Variants in IFNAR1 observed in about 807,000 individuals in gnomAD.
The protein encoded by IFNAR1 is interferon alpha/beta receptor 1.
Under a neutral mutation model 62.1 loss-of-function variants are expected in IFNAR1, and 47 were observed. The observed-to-expected ratio is 0.76, with a 90% CI of 0.60 to 0.97. The LOEUF (loss-of-function observed/expected upper bound fraction) is 0.97, where lower values mean the gene tolerates loss of function less well. Among genes scored for constraint, IFNAR1 ranks in the 50% least tolerant of loss-of-function variants. The pLI is 0.00. For synonymous variants in IFNAR1, 219 were observed against 226.9 expected, an observed-to-expected ratio of 0.97 and a Z score of 0.31; for missense variants, 638 against 654.5, an observed-to-expected ratio of 0.97 and a Z score of 0.27.
At position 33,355,563 on chromosome 21, in the gene IFNAR1, G is replaced by A; in HGVS notation, c.*14G>A. On this transcript the variant is annotated 3_prime_UTR_variant, in exon 11 of 11. Coordinates refer to ENST00000270139, the MANE Select transcript of IFNAR1 (RefSeq NM_000629.3). The stretch of plus-strand genomic sequence containing the variant: ...GACTTTGTATGACCAGAAATGAACT[G>A]TGTCAAGTATAAGGTTTTTCAGCAG... 7.0e-7 allele frequency: 1 copy of A among 1,435,656 alleles called. No individual in the cohort carries two copies. The allele number at this position is 1,435,656 out of a possible 1,614,324, so 88.9% of individuals were successfully genotyped here. A position where few individuals can be genotyped will look rare whatever the true frequency, so the allele number is the denominator to read the frequency against.
At chr21:33,335,970 T>C (rs1171682103) in intron 2 of IFNAR1, among the ~76,000 whole-genome samples, 1 of 148,600 alleles carries the variant, frequency 6.7e-6, no homozygotes, top group East Asian at 2.0e-4. Context: ...ATGTGCACAA[T>C]GTGCAGGTTA....
At chr21:33,352,274 C>G (rs1568933184) in intron 8 of IFNAR1, among the ~76,000 whole-genome samples, 2 of 152,200 alleles carry the variant, frequency 1.3e-5, no homozygotes, top group East Asian at 1.9e-4. Flanking sequence ...TTGGCAGCAG[C>G]ATTTTTAACT....
chr21:33,347,131 C>CT (rs5843597), intron 6 of IFNAR1, among the ~76,000 whole-genome samples: 72 of 132,270 alleles, frequency 5.4e-4, no homozygotes, highest in Non-Finnish European at 7.3e-4. Flanking sequence ...CCTCTAGATC[C>CT]TTTTTTTTTT....
At chr21:33,348,975 A>C (rs2083374450) in intron 6 of IFNAR1, 116 bp from the exon 7 acceptor site, 1 of 635,514 alleles carries the variant, frequency 1.6e-6, no homozygotes, top group Non-Finnish European at 2.7e-6. Context: ...ATTGTTTGTG[A>C]GTTTCCTGAG....
intron 3 of IFNAR1, among the ~76,000 whole-genome samples, chr21:33,341,775 G>A (rs1237887394): frequency 6.6e-6 from 1 of 151,924 alleles, no homozygotes; most frequent in African/African-American, 2.4e-5. Flanking sequence ...TCTGCCTCCT[G>A]GGTTCAAGTG....
At chr21:33,325,192 C>CG (rs2083114603) in intron 1 of IFNAR1, 61 bp downstream of exon 1, 2 of 1,427,452 alleles carry the variant, frequency 1.4e-6, no homozygotes, top group Non-Finnish European at 1.9e-6. Context: ...AGCTGGGCTA[C>CG]GGGGGCGGCG....
Position 33,353,731 on chromosome 21 carries a change from G to T in IFNAR1, c.1388G>T (p.Cys463Phe), listed in dbSNP as rs1197148653. 2 of 1,589,014 alleles carry T rather than the reference G, an allele frequency of 1.3e-6. No homozygotes were observed. Among genetic ancestry groups the T allele is most frequent in the African/African-American group, 2.7e-5 (2 of 73,592 alleles). The part of the protein sequence containing the change: ...VIYAAKVFLR[C>F]INYVFFPSLK... ...TATGCTGCGAAAGTCTTCTTGAGATGCATCAATTATGTCTTCTTTCCATCA... is the reference window on the plus strand; with the variant it reads ...TATGCTGCGAAAGTCTTCTTGAGATTCATCAATTATGTCTTCTTTCCATCA... The change falls in exon 10 of 11, where the codon TGC (cysteine) becomes TTC (phenylalanine). Residue 463 changes from cysteine (C) to phenylalanine (F), a missense_variant. Cys to Phe is a radical substitution (Grantham distance 205). Coordinates refer to ENST00000270139, the MANE Select transcript of IFNAR1 (RefSeq NM_000629.3).
At position 33,333,614 on chromosome 21, in the gene IFNAR1, ATTTTTTTTTTTCTT is replaced by A. The variant is rs905835554; in HGVS notation, c.77-1898_77-1885del. On this transcript the variant is annotated intron_variant, in intron 1 of 10. Coordinates refer to ENST00000270139, the MANE Select transcript of IFNAR1 (RefSeq NM_000629.3). Reference sequence around the variant, plus strand: ...CCATACTTAAAGAGACTGGCGGAATATTTTTTTTTTTCTTTTTTTTTTTTTTTGAGACGGAGTCT... The same window carrying A: ...CCATACTTAAAGAGACTGGCGGAATATTTTTTTTTTTTTGAGACGGAGTCT... Among the ~76,000 whole-genome samples, 7 of 107,010 alleles carry A rather than the reference ATTTTTTTTTTTCTT, an allele frequency of 6.5e-5. 1 individual carries two copies. Among genetic ancestry groups the A allele is most frequent in the African/African-American group, 2.9e-4 (7 of 24,408 alleles). The allele number at this position is 107,010 out of a possible 152,430, so 70.2% of individuals were successfully genotyped here.
At chr21:33,324,824 C>G (rs2083107110), upstream of IFNAR1, 1 of 561,976 alleles carries the variant, frequency 1.8e-6, no homozygotes, top group East Asian at 3.0e-5. Flanking sequence ...GCAATGGGAG[C>G]TTGGAGAAGG....
In IFNAR1 at chr21:33,325,141, G is replaced by A; in HGVS notation, c.76+10G>A. On this transcript the variant is annotated intron_variant, in intron 1 of 10. Coordinates refer to ENST00000270139, the MANE Select transcript of IFNAR1 (RefSeq NM_000629.3). ...TTGTCCGCAGCCGCAGGTGAGAGGC[G>A]GGGAGGAGAGTCTTGGCGCAGGGCG... 3 of 1,607,712 alleles carry A rather than the reference G, an allele frequency of 1.9e-6. No homozygotes were observed. The highest frequency in any genetic ancestry group is 2.5e-6 in the Non-Finnish European group (3 of 1,177,904).
intron 1 of IFNAR1, among the ~76,000 whole-genome samples, chr21:33,333,870 G>A (rs2843990): frequency 0.38 from 58,107 of 151,448 alleles, 11,273 homozygotes; most frequent in Middle Eastern, 0.46. Flanking sequence ...TGATCCACCC[G>A]CCTCGGCCTC....
intron 2 of IFNAR1, among the ~76,000 whole-genome samples, chr21:33,338,998 T>C (rs1276509868): frequency 1.3e-5 from 2 of 152,214 alleles, no homozygotes; most frequent in African/African-American, 4.8e-5. Flanking sequence ...CCCCTCGGCC[T>C]CCCAAAGTGC....
rs1039241779 is a variant in IFNAR1, at chr21:33,338,994, G to A, written c.201-2005G>A. ...TGATCTCAAGTGATCCACCCCCCTC[G>A]GCCTCCCAAAGTGCTGGGATTACAG... On this transcript the variant is annotated intron_variant, in intron 2 of 10. Coordinates refer to ENST00000270139, the MANE Select transcript of IFNAR1 (RefSeq NM_000629.3). Among the ~76,000 whole-genome samples the A allele has an allele frequency of 1.8e-4, 28 of 151,846 alleles. 1 individual carries two copies. The highest frequency in any genetic ancestry group is 2.1e-4 in the South Asian group (1 of 4,806).
chr21:33,331,135 C>T (rs903120054), intron 1 of IFNAR1, among the ~76,000 whole-genome samples: 2 of 152,206 alleles, frequency 1.3e-5, no homozygotes, highest in Non-Finnish European at 2.9e-5. Flanking sequence ...CTGTTACACC[C>T]TTCCCTGTGG....
chr21:33,349,049 T>G, intron 6 of IFNAR1, 42 bp from the exon 7 acceptor site: 1 of 1,263,664 alleles, frequency 7.9e-7, no homozygotes, highest in South Asian at 1.3e-5. Context: ...TGTAAATACT[T>G]AATAAATATC....
intron 6 of IFNAR1, among the ~76,000 whole-genome samples, chr21:33,348,791 A>T (rs1443866820): frequency 6.6e-6 from 1 of 152,178 alleles, no homozygotes; most frequent in Non-Finnish European, 1.5e-5. Flanking sequence ...TGACAGAGCG[A>T]GACTCGGTCT....
intron 5 of IFNAR1, among the ~76,000 whole-genome samples, chr21:33,344,523 A>G (rs1218839468): frequency 1.3e-5 from 2 of 151,534 alleles, no homozygotes; most frequent in African/African-American, 2.4e-5. Context: ...CACTAGAGAT[A>G]AGCATTGCTT....
At position 33,357,294 on chromosome 21, in the gene IFNAR1, G is replaced by GA. The variant is rs1414172886; in HGVS notation, c.*1749dup. 6.6e-6 allele frequency: 1 copy of GA among 152,286 alleles called. No homozygotes were observed. Among genetic ancestry groups the GA allele is most frequent in the Non-Finnish European group, 1.5e-5 (1 of 68,094 alleles). 9.4% of individuals were successfully genotyped at this position (152,286 alleles called of 1,614,324 possible). A position where few individuals can be genotyped will look rare whatever the true frequency, so the allele number is the denominator to read the frequency against. ...GAAAAAACAGATGATCCTGGTGGAA[G>GA]AAAAGGTTGAAGGCAGCTGCCCTCG... On this transcript the variant is annotated 3_prime_UTR_variant, in exon 11 of 11. Transcript: ENST00000270139.
chr21:33,350,218 C>A (rs1601863936), intron 8 of IFNAR1, among the ~76,000 whole-genome samples: 1 of 149,904 alleles, frequency 6.7e-6, no homozygotes, highest in East Asian at 1.9e-4. Flanking sequence ...GGATGCTTGG[C>A]AACATTCTGG....
Sources: gnomAD v4.1 joint callset for allele counts (sites outside exome capture counted in the v4.1 genomes callset) on GRCh38, gnomAD v4.1.1 for gene constraint, MANE v1.5 for transcripts, NCBI Gene and HGNC (gene_info 2026-07-23, HGNC 2026-07-21) for gene names.